The following DNAH7 variants were observed in gnomAD, a reference collection of about 807,000 sequenced individuals.
DNAH7 encodes the protein dynein axonemal heavy chain 7.
In DNAH7, 397 loss-of-function variants were observed where a neutral mutation model predicts 444.6. The ratio of observed to expected loss-of-function variants is 0.89; its 90% confidence interval spans 0.82 to 0.97. The LOEUF (loss-of-function observed/expected upper bound fraction) is 0.97. Among genes scored for constraint, DNAH7 ranks in the 50% least tolerant of loss-of-function variants. The pLI, the probability that DNAH7 is intolerant of heterozygous loss-of-function variation, is 0.00. For missense variants in DNAH7, 4,902 were observed against 4,800.8 expected, an observed-to-expected ratio of 1.02 and a Z score of -0.62; for synonymous variants, 1,636 against 1,624.4, an observed-to-expected ratio of 1.01 and a Z score of -0.17.
intron 9 of DNAH7, among the ~76,000 whole-genome samples, chr2:196,018,450 G>A (rs1270247170): frequency 6.6e-6 from 1 of 151,910 alleles, no homozygotes; most frequent in African/African-American, 2.4e-5. Context: ...AGGGACCAGT[G>A]AATAATAACA....
At chr2:195,884,445 C>T (rs1415601308) in intron 35 of DNAH7, 140 bp downstream of exon 35, 1 of 649,018 alleles carries the variant, frequency 1.5e-6, no homozygotes, top group African/African-American at 1.8e-5. Flanking sequence ...GACTTCAAGC[C>T]AGTGCATCTT....
At chr2:195,889,106 A>G (rs1389324231) in intron 31 of DNAH7, 125 bp from the exon 32 acceptor site, 9 of 880,388 alleles carry the variant, frequency 1.0e-5, no homozygotes, top group African/African-American at 1.7e-5. Context: ...ATGAAAACGT[A>G]AAAGCACTTT....
At chr2:195,898,187 C>A (rs1189369895) in intron 28 of DNAH7, among the ~76,000 whole-genome samples, 1 of 152,110 alleles carries the variant, frequency 6.6e-6, no homozygotes, top group Non-Finnish European at 1.5e-5. Flanking sequence ...TATAAACATT[C>A]ACTAATTTTC....
intron 19 of DNAH7, among the ~76,000 whole-genome samples, chr2:195,956,918 G>C (rs974016347): frequency 6.6e-6 from 1 of 152,084 alleles, no homozygotes; most frequent in Non-Finnish European, 1.5e-5. Context: ...AGTTTCAGTG[G>C]GTTGCATTCC....
chr2:196,014,940 T>C (rs934205716), intron 9 of DNAH7, among the ~76,000 whole-genome samples: 1 of 152,180 alleles, frequency 6.6e-6, no homozygotes, highest in Non-Finnish European at 1.5e-5. Context: ...TAATATTCCA[T>C]TGTGCATAGT....
chr2:195,919,414 G>A lies in DNAH7; in HGVS notation c.3935+2674C>T, dbSNP rs1474312662. ...GGCTGGAGTGCAGTGGCACAATCTC[G>A]GCTCACTGCAGCCTCCACCTCTTGG... On this transcript the variant is annotated intron_variant, in intron 24 of 64. Coordinates refer to ENST00000312428, the MANE Select transcript of DNAH7 (RefSeq NM_018897.3). 4.6e-5 allele frequency among the ~76,000 whole-genome samples: 7 copies of A among 151,840 alleles called. No homozygotes were observed. The East Asian group carries it at 9.7e-4, about 21-fold the overall frequency.
At chr2:195,817,506 C>T (rs546178937) in intron 50 of DNAH7, among the ~76,000 whole-genome samples, 190 bp downstream of exon 50, 1 of 152,286 alleles carries the variant, frequency 6.6e-6, no homozygotes, top group African/African-American at 2.4e-5. Flanking sequence ...TAAGAACTTG[C>T]ATGTAAAAAT....
chr2:195,912,038 CATCTT>C (rs2125311329), intron 24 of DNAH7, among the ~76,000 whole-genome samples: 2 of 152,280 alleles, frequency 1.3e-5, no homozygotes, highest in African/African-American at 2.4e-5. Context: ...AATACCATCT[CATCTT>C]ATCTTATAGA....
At chr2:195,918,983 G>T (rs1475356814) in intron 24 of DNAH7, among the ~76,000 whole-genome samples, 1 of 152,148 alleles carries the variant, frequency 6.6e-6, no homozygotes, top group Non-Finnish European at 1.5e-5. Context: ...AGGCGCAGTG[G>T]TTCAAGTGTG....
At chr2:195,902,801 T>C (rs1179888269) in intron 27 of DNAH7, 3 of 152,260 alleles carry the variant, frequency 2.0e-5, no homozygotes, top group East Asian at 1.9e-4. Flanking sequence ...CTTAACACAA[T>C]GAAAAACATC....
At chr2:195,974,795 C>CACACACACAG (rs1178921025) in intron 15 of DNAH7, among the ~76,000 whole-genome samples, 7 of 147,440 alleles carry the variant, frequency 4.7e-5, no homozygotes, top group African/African-American at 1.7e-4. Flanking sequence ...CACACACACA[C>CACACACACAG]AGTCACATAT....
chr2:195,933,305 T>C (rs533383491), intron 21 of DNAH7, among the ~76,000 whole-genome samples: 3 of 152,340 alleles, frequency 2.0e-5, no homozygotes, highest in East Asian at 1.9e-4. Flanking sequence ...TTGGCGGGAC[T>C]GTAAACTAGT....
intron 8 of DNAH7, among the ~76,000 whole-genome samples, chr2:196,020,358 T>A (rs926927777): frequency 5.3e-5 from 8 of 152,314 alleles, no homozygotes; most frequent in African/African-American, 1.7e-4. Context: ...GTAACTCTTA[T>A]GACTTTAATA....
intron 63 of DNAH7, among the ~76,000 whole-genome samples, chr2:195,747,485 T>G (rs930660768): frequency 6.6e-6 from 1 of 152,204 alleles, no homozygotes; most frequent in Non-Finnish European, 1.5e-5. Flanking sequence ...CTAACTCATT[T>G]TATGAGGCCA....
rs984893525 is a variant in DNAH7 at position 195,771,509 on chromosome 2, C to T, written c.11433+151G>A. 3 of 635,710 alleles carry T rather than the reference C, an allele frequency of 4.7e-6. No homozygotes were observed. The African/African-American group carries it at 5.5e-5, about 12-fold the overall frequency. The allele number at this position is 635,710 out of a possible 1,614,324, so 39.4% of individuals were successfully genotyped here. On this transcript the variant is annotated intron_variant, in intron 61 of 64. Transcript: ENST00000312428. ...ACTCTCACTCCCAGAATTCTATAAG[C>T]TCCTCAAGGGCAAGAATTATTTTCT...
intron 1 of DNAH7, among the ~76,000 whole-genome samples, chr2:196,060,373 T>C (rs752881940): frequency 6.6e-6 from 1 of 152,216 alleles, no homozygotes; most frequent in Non-Finnish European, 1.5e-5. Flanking sequence ...ATTTTCAATG[T>C]ATATGTCCTC....
chr2:195,763,483 A>C (rs1694439775), intron 61 of DNAH7, among the ~76,000 whole-genome samples: 1 of 152,004 alleles, frequency 6.6e-6, no homozygotes, highest in Non-Finnish European at 1.5e-5. Flanking sequence ...CCTTCAGCCA[A>C]ACTAAGAAAA....
intron 21 of DNAH7, among the ~76,000 whole-genome samples, chr2:195,929,197 A>G (rs1688532828): frequency 6.6e-6 from 1 of 152,218 alleles, no homozygotes; most frequent in African/African-American, 2.4e-5. Flanking sequence ...AAGGAGAACT[A>G]CAAAACACTA....
rs748771878 is a variant in DNAH7 at position 195,834,245 on chromosome 2, C to T, written c.9061G>A (p.Val3021Ile). 2.5e-6 allele frequency: 4 copies of T among 1,608,298 alleles called. No homozygotes were observed. In the South Asian group the frequency reaches 4.4e-5, roughly 18 times the overall value. ...TGGATGCAATTTTCCAGAGTCCTGA[C>T]ATAGTCAGGTTCACTAAGTTTAATC... ...YVIKLSEPDY[V>I]RTLENCIQFG... Residue 3021 changes from valine (V) to isoleucine (I), a missense_variant, in exon 48 of 65, where the codon GTC (valine) becomes ATC (isoleucine). Val to Ile is a conservative substitution (Grantham distance 29). Transcript: ENST00000312428.
Sources: gnomAD v4.1 joint callset for allele counts (sites outside exome capture counted in the v4.1 genomes callset) on GRCh38, gnomAD v4.1.1 for gene constraint, MANE v1.5 for transcripts, NCBI Gene and HGNC (gene_info 2026-07-23, HGNC 2026-07-21) for gene names.